The following SHISA9 variants were observed in gnomAD, a reference collection of about 807,000 sequenced individuals.
SHISA9 encodes the protein shisa family member 9, also known as protein shisa-9.
In SHISA9, 13 loss-of-function variants were observed where a neutral mutation model predicts 38.0. The ratio of observed to expected loss-of-function variants is 0.34; its 90% CI spans 0.22 to 0.54. SHISA9 has a LOEUF of 0.54. Among genes scored for constraint, SHISA9 ranks in the 20% least tolerant of loss-of-function variants. SHISA9 has a pLI of 0.91. For missense variants in SHISA9, 538 were observed against 575.8 expected, an observed-to-expected ratio of 0.93 and a Z score of 0.67; for synonymous variants, 275 against 242.0, an observed-to-expected ratio of 1.14 and a Z score of -1.27.
At chr16:13,396,639 A>G in the SHISA9 span, among the ~76,000 whole-genome samples, 2 of 152,146 alleles carry the variant, frequency 1.3e-5, no homozygotes, top group Non-Finnish European at 2.9e-5. Context: ...TGGCATGTGG[A>G]TTGTATTCCT....
the SHISA9 span, among the ~76,000 whole-genome samples, chr16:13,464,811 A>G: frequency 6.6e-6 from 1 of 152,058 alleles, no homozygotes; most frequent in East Asian, 1.9e-4. Flanking sequence ...GATATGTTCT[A>G]TTTCTATGCC....
the SHISA9 span, among the ~76,000 whole-genome samples, chr16:13,296,714 A>G: frequency 1.3e-5 from 2 of 151,832 alleles, no homozygotes; most frequent in Non-Finnish European, 2.9e-5. Flanking sequence ...AACATGGTAA[A>G]ACTCCGTCTC....
At chr16:13,337,665 T>C in the SHISA9 span, among the ~76,000 whole-genome samples, 1 of 152,180 alleles carries the variant, frequency 6.6e-6, no homozygotes, top group Non-Finnish European at 1.5e-5. Context: ...TTCATGTGGT[T>C]TGGCTCTGTG....
intron 2 of SHISA9, among the ~76,000 whole-genome samples, chr16:12,960,774 G>A (rs527788570): frequency 5.9e-5 from 9 of 151,712 alleles, no homozygotes; most frequent in East Asian, 1.9e-4. Context: ...TTCCAGTTCC[G>A]TCCTCTTCCC....
At chr16:13,402,729 G>A in the SHISA9 span, among the ~76,000 whole-genome samples, 13,654 of 152,016 alleles carry the variant, frequency 0.09, 818 homozygotes, top group South Asian at 0.22. Context: ...CCCGCTAGAC[G>A]AACCCAGGAA....
the SHISA9 span, among the ~76,000 whole-genome samples, chr16:13,346,991 G>A: frequency 6.6e-6 from 1 of 152,170 alleles, no homozygotes. Context: ...TCTATGTAAT[G>A]TGGCATGTGG....
intron 2 of SHISA9, among the ~76,000 whole-genome samples, chr16:13,002,343 C>A (rs1323660729): frequency 6.6e-6 from 1 of 152,140 alleles, no homozygotes; most frequent in Non-Finnish European, 1.5e-5. Flanking sequence ...TAATAAAAGC[C>A]TGCAGAATTT....
chr16:13,339,203 G>T, the SHISA9 span, among the ~76,000 whole-genome samples: 14 of 145,680 alleles, frequency 9.6e-5, no homozygotes, highest in Non-Finnish European at 2.1e-4. Flanking sequence ...ACACAGTCTG[G>T]TCTGTATGGG....
the SHISA9 span, among the ~76,000 whole-genome samples, chr16:13,262,351 G>A: frequency 6.6e-6 from 1 of 152,208 alleles, no homozygotes; most frequent in African/African-American, 2.4e-5. Context: ...TCTAGATCCT[G>A]GCATCCACAG....
At chr16:13,394,856 C>T in the SHISA9 span, among the ~76,000 whole-genome samples, 1 of 151,956 alleles carries the variant, frequency 6.6e-6, no homozygotes, top group African/African-American at 2.4e-5. Flanking sequence ...TGCACACAAA[C>T]GAATCCCAAG....
At chr16:13,279,866 T>TAATTAC in the SHISA9 span, among the ~76,000 whole-genome samples, 1 of 151,954 alleles carries the variant, frequency 6.6e-6, no homozygotes, top group African/African-American at 2.4e-5. Flanking sequence ...GTCACTCCAG[T>TAATTAC]AATGCTCTTT....
chr16:13,041,869 G>C (rs2141888893), intron 2 of SHISA9, among the ~76,000 whole-genome samples: 1 of 152,336 alleles, frequency 6.6e-6, no homozygotes, highest in South Asian at 2.1e-4. Flanking sequence ...TGGGGATTCT[G>C]ATGTAGCTCC....
rs148576891 is a variant in SHISA9, at chr16:12,917,417, A to G, written c.691+602A>G. Among the ~76,000 whole-genome samples the G allele has an allele frequency of 6.1e-3, 929 of 152,280 alleles. 17 individuals are homozygous for G. The highest frequency in any genetic ancestry group is 0.021 in the African/African-American group (871 of 41,556). On this transcript the variant is annotated intron_variant, in intron 2 of 4. Transcript: ENST00000558583. ...ATTTGAGGTTCCTCTGTATGATTCA[A>G]CAGCAGCAAATTCGTTTCCATTGTT...
chr16:13,299,372 C>T, the SHISA9 span, among the ~76,000 whole-genome samples: 7 of 152,042 alleles, frequency 4.6e-5, no homozygotes, highest in South Asian at 1.0e-3. Flanking sequence ...TTCTGAAGCA[C>T]GGAAACGTTA....
At chr16:13,390,355 AGT>A in the SHISA9 span, among the ~76,000 whole-genome samples, 5 of 152,052 alleles carry the variant, frequency 3.3e-5, no homozygotes, top group African/African-American at 1.2e-4. Flanking sequence ...TCCAACATGA[AGT>A]GTGTTTGTTG....
chr16:13,383,673 CAG>C, the SHISA9 span, among the ~76,000 whole-genome samples: 1 of 152,134 alleles, frequency 6.6e-6, no homozygotes, highest in East Asian at 1.9e-4. Context: ...TATTTTGAGA[CAG>C]AGTCTTGCTC....
At chr16:13,024,285 C>T (rs552899609) in intron 2 of SHISA9, among the ~76,000 whole-genome samples, 2 of 152,324 alleles carry the variant, frequency 1.3e-5, no homozygotes, top group South Asian at 2.1e-4. Context: ...AAGCCCAGAA[C>T]ATCTCATTTG....
intron 2 of SHISA9, among the ~76,000 whole-genome samples, chr16:13,050,390 G>C (rs1158548260): frequency 6.6e-6 from 1 of 152,116 alleles, no homozygotes; most frequent in Non-Finnish European, 1.5e-5. Flanking sequence ...GGAGTGCTGT[G>C]GTGTGATCTT....
chr16:12,903,000 C>T (rs893846470), intron 1 of SHISA9: 9 of 206,708 alleles, frequency 4.4e-5, no homozygotes, highest in Admixed American at 1.6e-4. Flanking sequence ...CCTCGGATTC[C>T]AGGTGCTAGC....
Sources: allele counts gnomAD v4.1 joint callset (sites outside exome capture counted in the v4.1 genomes callset), GRCh38; gene constraint gnomAD v4.1.1; transcripts MANE v1.5; gene names NCBI Gene and HGNC (gene_info 2026-07-23, HGNC 2026-07-21).